The following SLC5A10 variants were observed in gnomAD, a reference collection of about 807,000 sequenced individuals.
SLC5A10 encodes solute carrier family 5 member 10.
SLC5A10 carries 55 observed loss-of-function variants against 68.9 expected under a neutral mutation model. The observed-to-expected ratio is 0.80, with a 90% CI of 0.64 to 1.00. SLC5A10 has a LOEUF of 1.00. SLC5A10 is among the 50% of genes least tolerant of loss of function. The pLI, the probability that SLC5A10 is intolerant of heterozygous loss-of-function variation, is 0.00. For synonymous variants in SLC5A10, 344 were observed against 344.8 expected (o/e 1.00, Z 0.02); for missense variants, 732 against 819.3 (o/e 0.89, Z 1.30).
At chr17:18,961,387 C>CA (rs1051749663) in intron 5 of SLC5A10, among the ~76,000 whole-genome samples, 5 of 152,060 alleles carry the variant, frequency 3.3e-5, no homozygotes, top group African/African-American at 1.2e-4. Context: ...AGAGAGCTGA[C>CA]ACTAGCCCCT....
intron 9 of SLC5A10, chr17:18,977,659 G>C (rs371029426): frequency 6.2e-7 from 1 of 1,610,048 alleles, no homozygotes; most frequent in Admixed American, 1.7e-5. Flanking sequence ...CCCGACTCTG[G>C]GCCCATGGGG....
At chr17:19,014,907 T>A (rs957696507) in intron 10 of SLC5A10, 142 bp from the exon 11 acceptor site, 55 of 1,014,500 alleles carry the variant, frequency 5.4e-5, no homozygotes, top group Non-Finnish European at 7.8e-5. Context: ...TCAAACCTCC[T>A]CAGCTTCTCT....
chr17:18,966,289 C>T (rs1160098168), intron 5 of SLC5A10, among the ~76,000 whole-genome samples: 2 of 152,156 alleles, frequency 1.3e-5, no homozygotes, highest in African/African-American at 4.8e-5. Context: ...GTTGCTCCGG[C>T]CCCATGGGTG....
chr17:19,020,288 C>G (rs1379392832), intron 14 of SLC5A10, 37 bp from the exon 15 acceptor site: 5 of 1,613,470 alleles, frequency 3.1e-6, no homozygotes, highest in Non-Finnish European at 4.2e-6. Context: ...AACCTTGTGT[C>G]CTTCATCTGT....
At position 18,968,662 on chromosome 17, in the gene SLC5A10, C is replaced by G. The variant is rs1000423531; in HGVS notation, c.454-390C>G. 8.4e-5 allele frequency: 16 copies of G among 190,520 alleles called. No individual in the cohort carries two copies. Among genetic ancestry groups the G allele is most frequent in the Non-Finnish European group, 1.3e-4 (12 of 93,456 alleles). 11.8% of individuals were successfully genotyped at this position (190,520 alleles called of 1,614,324 possible). ...GGCCTACTGGTCCGCCCAGCACACA[C>G]TTTTCCTGAGGCCTACTGGTCTTCA... On this transcript the variant is annotated intron_variant, in intron 5 of 14. Coordinates refer to ENST00000395645, the MANE Select transcript of SLC5A10 (RefSeq NM_001042450.4). This position sits in a 1 kb window ranked among gnomAD's most constrained non-coding sequence, Gnocchi z 4.1.
intron 9 of SLC5A10, among the ~76,000 whole-genome samples, chr17:19,005,140 GT>G (rs58645239): frequency 0.024 from 3,594 of 152,338 alleles, 125 homozygotes; most frequent in African/African-American, 0.075. Context: ...CAGCTGTCCA[GT>G]TGTGGAAACA....
In SLC5A10 at chr17:19,013,516, C is replaced by T. The variant is rs778513692; in HGVS notation, c.1089C>T (p.Ile363=). 31 of 1,475,604 alleles carry T rather than the reference C, an allele frequency of 2.1e-5. 1 individual carries two copies. Among genetic ancestry groups the T allele is most frequent in the South Asian group, 9.3e-5 (8 of 85,918 alleles). 91.4% of individuals were successfully genotyped at this position (1,475,604 alleles called of 1,614,324 possible). Reference sequence around the variant, plus strand: ...AGCTGGTCATGGAACTGATGCCCATCGGTGAGGCTGTGTGGGTGGGGGTCT... The same window carrying T: ...AGCTGGTCATGGAACTGATGCCCATTGGTGAGGCTGTGTGGGTGGGGGTCT... ...YPKLVMELMP[I]GLRGLMIAVM... is the part of the protein sequence containing the mutation. Residue 363 remains isoleucine (I), a splice_region_variant and synonymous_variant, in exon 10 of 15, where the codon ATC becomes ATT. Transcript: ENST00000395645.
At chr17:19,002,802 T>A (rs2043764514) in intron 9 of SLC5A10, among the ~76,000 whole-genome samples, 1 of 152,180 alleles carries the variant, frequency 6.6e-6, no homozygotes, top group African/African-American at 2.4e-5. Context: ...GCTAGGGCAC[T>A]GCATAGCCCA....
In SLC5A10 at chr17:18,996,065, A is replaced by G. The variant is rs956329609; in HGVS notation, c.983-17345A>G. ...AAGACAACTGCATGTCAAGGAACAA[A>G]GTAAGTGGACTTCTCATCAGAATCA... On this transcript the variant is annotated intron_variant, in intron 9 of 14. Transcript: ENST00000395645. This position sits in a 1 kb window ranked among gnomAD's most constrained non-coding sequence, Gnocchi z 4.4. 6.6e-6 allele frequency among the ~76,000 whole-genome samples: 1 copy of G among 152,102 alleles called. No individual in the cohort carries two copies. The highest frequency in any genetic ancestry group is 1.5e-5 in the Non-Finnish European group (1 of 68,028).
rs372204435 is a variant in SLC5A10, at chr17:18,992,689, G to A, written c.982+15700G>A. Among the ~76,000 whole-genome samples, 13 of 152,332 alleles carry A rather than the reference G, an allele frequency of 8.5e-5. 1 individual carries two copies. The highest frequency in any genetic ancestry group is 5.2e-4 in the Admixed American group (8 of 15,312). ...TGGGCTTTGGGTGAGCCACACCTGC[G>A]TTCCAGGTCTCAGTTTCTTCACCTG... On this transcript the variant is annotated intron_variant, in intron 9 of 14. Transcript: ENST00000395645.
At chr17:18,970,762 G>A in intron 7 of SLC5A10, 1 of 510,744 alleles carries the variant, frequency 2.0e-6, no homozygotes, top group Non-Finnish European at 3.5e-6. Flanking sequence ...CGGGACACTG[G>A]GGTGCCCATG....
chr17:18,993,530 G>A (rs2043484857), intron 9 of SLC5A10, among the ~76,000 whole-genome samples: 1 of 152,162 alleles, frequency 6.6e-6, no homozygotes, highest in Non-Finnish European at 1.5e-5. Context: ...AGAGAGGAGA[G>A]AGGCGGCCAT....
rs1597898249 is a variant in SLC5A10 at position 19,004,733 on chromosome 17, C to T, written c.983-8677C>T. On this transcript the variant is annotated intron_variant, in intron 9 of 14. Coordinates refer to ENST00000395645, the MANE Select transcript of SLC5A10 (RefSeq NM_001042450.4). The surrounding 1 kb of genome is among the most constrained non-coding windows in gnomAD (Gnocchi z 5.4). The stretch of plus-strand genomic sequence containing the variant: ...CCGAGCGGGCGCTGGCGGAGCGGGG[C>T]GCACACGCGGCGGCTGCGGCGGCGG... 4.0e-5 allele frequency: 6 copies of T among 150,526 alleles called. No individual in the cohort carries two copies. The South Asian group carries it at 1.1e-3, about 29-fold the overall frequency. The allele number at this position is 150,526 out of a possible 1,614,324, so 9.3% of individuals were successfully genotyped here. A position where few individuals can be genotyped will look rare whatever the true frequency, so the allele number is the denominator to read the frequency against.
At chr17:18,978,917 C>A in intron 9 of SLC5A10, 1 of 1,559,600 alleles carries the variant, frequency 6.4e-7, no homozygotes, top group Non-Finnish European at 8.7e-7. Flanking sequence ...CCCCCGTGCA[C>A]CCATAGCCGC....
At chr17:18,993,876 C>G (rs1269503288) in intron 9 of SLC5A10, among the ~76,000 whole-genome samples, 1 of 152,202 alleles carries the variant, frequency 6.6e-6, no homozygotes, top group Non-Finnish European at 1.5e-5. Flanking sequence ...TCCCCACCCA[C>G]AAGGTTGTTG....
Position 19,000,575 on chromosome 17 carries a change from G to A in SLC5A10, c.983-12835G>A, listed in dbSNP as rs2043705674. On this transcript the variant is annotated intron_variant, in intron 9 of 14. Transcript: ENST00000395645. This position sits in a 1 kb window ranked among gnomAD's most constrained non-coding sequence, Gnocchi z 5.2. ...GCGTCACTTCCCTGCCCCAGGGTCT[G>A]CCTGTTGTGCTGACGACAGGTAAGG... Among the ~76,000 whole-genome samples the A allele has an allele frequency of 6.6e-6, 1 of 152,202 alleles. No individual in the cohort carries two copies. The highest frequency in any genetic ancestry group is 1.5e-5 in the Non-Finnish European group (1 of 68,034).
At chr17:18,977,824 A>C (rs753405420) in intron 9 of SLC5A10, 3 of 1,609,008 alleles carry the variant, frequency 1.9e-6, no homozygotes, top group Non-Finnish European at 2.5e-6. Context: ...CCTCTGACAC[A>C]GAGGAAGCCA....
chr17:19,012,634 G>A (rs2044039749), intron 9 of SLC5A10, among the ~76,000 whole-genome samples: 1 of 152,220 alleles, frequency 6.6e-6, no homozygotes, highest in South Asian at 2.1e-4. Flanking sequence ...GCGAGGCCTG[G>A]GGCAGGCCTC....
In SLC5A10 at chr17:19,022,262, G is replaced by A. The variant is rs2044276795; in HGVS notation, c.*1831G>A. ...GTGAGGAGGGGTCTCGGGCAGCACC[G>A]GAGTTGAACTTTAAGTCCAGATCAA... On this transcript the variant is annotated 3_prime_UTR_variant, in exon 15 of 15. Coordinates refer to ENST00000395645, the MANE Select transcript of SLC5A10 (RefSeq NM_001042450.4). 2 of 549,872 alleles carry A rather than the reference G, an allele frequency of 3.6e-6. No homozygotes were observed. Among genetic ancestry groups the A allele is most frequent in the Admixed American group, 4.0e-5 (1 of 25,316 alleles). 34.1% of individuals were successfully genotyped at this position (549,872 alleles called of 1,614,324 possible).
Sources: gnomAD v4.1 joint callset for allele counts (sites outside exome capture counted in the v4.1 genomes callset) on GRCh38, gnomAD v4.1.1 for gene constraint, Gnocchi (gnomAD v3.1) non-coding constraint, MANE v1.5 for transcripts, NCBI Gene and HGNC (gene_info 2026-07-23, HGNC 2026-07-21) for gene names.